Variants in GPR158 observed in about 807,000 individuals in gnomAD.
GPR158 encodes metabotropic glycine receptor.
Under a neutral mutation model 78.2 loss-of-function variants are expected in GPR158, and 30 were observed. The observed-to-expected ratio is 0.38, with a 90% CI of 0.29 to 0.52. GPR158 has a LOEUF of 0.52. Ranked by LOEUF, GPR158 falls within the 20% of genes least tolerant of loss-of-function variation. The probability of loss-of-function intolerance (pLI) is 0.83; values close to 1 mark genes in which losing one functional copy is unlikely to be tolerated. For synonymous variants in GPR158, 581 were observed against 591.1 expected, an observed-to-expected ratio of 0.98 and a Z score of 0.25; for missense variants, 1,463 against 1,523.5, an observed-to-expected ratio of 0.96 and a Z score of 0.66.
At chr10:25,493,880 A>T (rs1443060578) in intron 5 of GPR158, among the ~76,000 whole-genome samples, 1 of 152,220 alleles carries the variant, frequency 6.6e-6, no homozygotes, top group South Asian at 2.1e-4. Flanking sequence ...AAAGTAGTTG[A>T]GGTGATTTTG....
chr10:25,528,924 C>T (rs967833287), intron 5 of GPR158, among the ~76,000 whole-genome samples: 24 of 152,102 alleles, frequency 1.6e-4, no homozygotes, highest in African/African-American at 5.8e-4. Flanking sequence ...AGAAATAGAT[C>T]AATGGGACAA....
intron 5 of GPR158, among the ~76,000 whole-genome samples, chr10:25,472,088 G>A (rs1018497036): frequency 3.3e-5 from 5 of 151,984 alleles, no homozygotes; most frequent in Non-Finnish European, 7.4e-5. Context: ...GGGTTTTTAT[G>A]GTTTTAGGTC....
chr10:25,309,215 C>CTGTGTGTG (rs111485518), intron 2 of GPR158, among the ~76,000 whole-genome samples: 1,940 of 150,566 alleles, frequency 0.013, 36 homozygotes, highest in African/African-American at 0.043. Context: ...TTGTTATTTT[C>CTGTGTGTG]TGTGTGTGTG....
At chr10:25,485,752 T>C (rs533556056) in intron 5 of GPR158, among the ~76,000 whole-genome samples, 3 of 152,310 alleles carry the variant, frequency 2.0e-5, no homozygotes, top group African/African-American at 7.2e-5. Flanking sequence ...TCTGTATGAT[T>C]TGTCTATCCT....
At chr10:25,481,071 C>T (rs1461746129) in intron 5 of GPR158, among the ~76,000 whole-genome samples, 3 of 152,036 alleles carry the variant, frequency 2.0e-5, no homozygotes, top group South Asian at 2.1e-4. Flanking sequence ...AACACAGAAG[C>T]GGTTTATTAC....
chr10:25,346,107 C>T (rs1198900255), intron 2 of GPR158, among the ~76,000 whole-genome samples: 2 of 151,894 alleles, frequency 1.3e-5, no homozygotes, highest in Admixed American at 6.6e-5. Context: ...AGCAAGGCTG[C>T]TCTTATATAT....
chr10:25,440,754 T>C (rs1835056832), intron 4 of GPR158, among the ~76,000 whole-genome samples: 2 of 152,228 alleles, frequency 1.3e-5, no homozygotes, highest in Non-Finnish European at 2.9e-5. Flanking sequence ...CTTTCCAGTT[T>C]ATTTTATTTC....
intron 1 of GPR158, among the ~76,000 whole-genome samples, chr10:25,206,575 G>T (rs1853034208): frequency 6.6e-6 from 1 of 152,014 alleles, no homozygotes; most frequent in African/African-American, 2.4e-5. Flanking sequence ...ATAACATTTT[G>T]ATATATATCT....
intron 5 of GPR158, among the ~76,000 whole-genome samples, chr10:25,538,343 G>A (rs1213359875): frequency 2.0e-5 from 3 of 152,034 alleles, no homozygotes; most frequent in Non-Finnish European, 4.4e-5. Flanking sequence ...TTCCCCATTA[G>A]CTTTTATGCA....
chr10:25,286,934 T>C (rs902401690), intron 2 of GPR158, among the ~76,000 whole-genome samples: 7 of 152,190 alleles, frequency 4.6e-5, no homozygotes, highest in African/African-American at 1.7e-4. Flanking sequence ...TGCTGTGCCT[T>C]AGAGAGAATT....
At chr10:25,305,758 C>A (rs896300385) in intron 2 of GPR158, among the ~76,000 whole-genome samples, 1 of 152,150 alleles carries the variant, frequency 6.6e-6, no homozygotes, top group African/African-American at 2.4e-5. Flanking sequence ...TGCCCTATGA[C>A]ATCATGGGAT....
chr10:25,568,782 T>C (rs1477444951), intron 6 of GPR158, among the ~76,000 whole-genome samples: 1 of 152,238 alleles, frequency 6.6e-6, no homozygotes, highest in Non-Finnish European at 1.5e-5. Flanking sequence ...TGCCTTTTCA[T>C]ATGAAATTTT....
chr10:25,585,423 AAC>A (rs1254489522), intron 7 of GPR158, among the ~76,000 whole-genome samples: 1 of 152,230 alleles, frequency 6.6e-6, no homozygotes, highest in Non-Finnish European at 1.5e-5. Context: ...GGTGTCAACT[AAC>A]AAGACCCCAT....
chr10:25,227,230 T>A (rs1480467785), intron 2 of GPR158, among the ~76,000 whole-genome samples: 1 of 152,188 alleles, frequency 6.6e-6, no homozygotes, highest in Admixed American at 6.5e-5. Context: ...GCTGGCTGTT[T>A]TAGATGTTCC....
intron 2 of GPR158, among the ~76,000 whole-genome samples, chr10:25,366,677 C>T (rs1166546841): frequency 1.3e-5 from 2 of 151,610 alleles, no homozygotes; most frequent in African/African-American, 2.4e-5. Flanking sequence ...CTTATTCCTC[C>T]TGTCTAGCTG....
chr10:25,381,731 A>G (rs1441097020), intron 2 of GPR158, among the ~76,000 whole-genome samples: 1 of 152,218 alleles, frequency 6.6e-6, no homozygotes, highest in African/African-American at 2.4e-5. Flanking sequence ...TTTTTAATTC[A>G]TCTTGAATTC....
chr10:25,248,476 T>C (rs1853736593), intron 2 of GPR158, among the ~76,000 whole-genome samples: 1 of 150,608 alleles, frequency 6.6e-6, no homozygotes. Context: ...TAATCCATCT[T>C]GAATTGATTT....
At chr10:25,276,078 T>C (rs1476851285) in intron 2 of GPR158, among the ~76,000 whole-genome samples, 5 of 152,226 alleles carry the variant, frequency 3.3e-5, no homozygotes, top group African/African-American at 4.8e-5. Flanking sequence ...ACATTTCTTA[T>C]TGAGTGAGCT....
At chr10:25,364,042 A>G (rs111582563) in intron 2 of GPR158, among the ~76,000 whole-genome samples, 1,735 of 152,080 alleles carry the variant, frequency 0.011, 8 homozygotes, top group Non-Finnish European at 0.016. Flanking sequence ...TGCCTAGCGT[A>G]TAATAAGCAC....
Sources: gnomAD v4.1 joint callset for allele counts (sites outside exome capture counted in the v4.1 genomes callset) on GRCh38, gnomAD v4.1.1 for gene constraint, MANE v1.5 for transcripts, NCBI Gene and HGNC (gene_info 2026-07-23, HGNC 2026-07-21) for gene names.